Variants in RYR2 observed in about 807,000 individuals in gnomAD.
RYR2 encodes cardiac muscle ryanodine receptor-calcium release channel.
RYR2 carries 227 observed loss-of-function variants against 601.1 expected under a neutral mutation model. That is an observed-to-expected ratio of 0.38 (90% CI 0.34 to 0.42). RYR2 has a LOEUF of 0.42. Among genes scored for constraint, RYR2 ranks in the 10% least tolerant of loss-of-function variants. The pLI, the probability that RYR2 is intolerant of heterozygous loss-of-function variation, is 1.00. For missense variants in RYR2, 4,646 were observed against 6,156.5 expected (o/e 0.75, Z 8.21); for synonymous variants, 2,223 against 2,175.1 (o/e 1.02, Z -0.61).
intron 96 of RYR2, 86 bp from the exon 97 acceptor site, chr1:237,797,950 TA>T: frequency 8.3e-7 from 1 of 1,210,476 alleles, no homozygotes; most frequent in Non-Finnish European, 1.2e-6. Flanking sequence ...ACAGTAAGTA[TA>T]AAAATAATTA....
intron 1 of RYR2, among the ~76,000 whole-genome samples, chr1:237,144,492 G>GATGTTTCTCAGGTCCTGGAGAAAGAC (rs1306929354): frequency 6.6e-6 from 1 of 152,178 alleles, no homozygotes; most frequent in Non-Finnish European, 1.5e-5. Flanking sequence ...ATTCCAAAGA[G>GATGTTTCTCAGGTCCTGGAGAAAGAC]ATGTTTCTCA....
chr1:237,590,397 TGTCAGG>T (rs1675022281), intron 30 of RYR2, among the ~76,000 whole-genome samples: 3 of 152,186 alleles, frequency 2.0e-5, no homozygotes, highest in African/African-American at 7.2e-5. Flanking sequence ...GTGTGGGCAA[TGTCAGG>T]CTGAATCTGA....
In RYR2 at chr1:237,655,965, C is replaced by G; in HGVS notation, c.8110C>G (p.Gln2704Glu). ...GGATTCTGAAGGGAACTTTAACCCA[C>G]AACCTGTTGATACCTCAAAGTATGG... is the stretch of plus-strand genomic sequence containing the variant. ...SMDSEGNFNP[Q>E]PVDTSNITIP... The change falls in exon 53 of 105, where the codon CAA (glutamine) becomes GAA (glutamate). Residue 2704 changes from glutamine to glutamate, a missense_variant. By Grantham distance (29) the Gln-to-Glu change is conservative. Around this residue, in one of 17 missense-constraint regions of RYR2, gnomAD observed 1,497 missense variants for 1,842.6 expected, o/e 0.81. Transcript: ENST00000366574. The G allele has an allele frequency of 6.2e-7, 1 of 1,613,402 alleles. No homozygotes were observed. The highest frequency in any genetic ancestry group is 8.5e-7 in the Non-Finnish European group (1 of 1,179,618).
chr1:237,569,369 C>G (rs745625982), intron 29 of RYR2, 50 bp downstream of exon 29: 13 of 1,565,830 alleles, frequency 8.3e-6, no homozygotes, highest in Admixed American at 1.9e-5. Context: ...CACAAGGAAG[C>G]TTTCATCCTG....
At chr1:237,407,352 T>C (rs531872782) in intron 10 of RYR2, among the ~76,000 whole-genome samples, 2 of 152,342 alleles carry the variant, frequency 1.3e-5, no homozygotes, top group African/African-American at 4.8e-5. Context: ...AGAGTATGTT[T>C]AGCTTTTTAA....
chr1:237,298,546 A>G lies in RYR2; in HGVS notation c.168+27930A>G, dbSNP rs1354231720. Among the ~76,000 whole-genome samples the G allele has an allele frequency of 2.0e-5, 3 of 152,120 alleles. No homozygotes were observed. The East Asian group carries it at 5.8e-4, about 29-fold the overall frequency. ...TTTAATCCTCTTTACTTAGGGTGTC[A>G]AAATCCTTAACCTTGGCTCTATTAG... On this transcript the variant is annotated intron_variant, in intron 2 of 104. Coordinates refer to ENST00000366574, the MANE Select transcript of RYR2 (RefSeq NM_001035.3).
intron 80 of RYR2, among the ~76,000 whole-genome samples, chr1:237,750,224 T>A (rs553409313): frequency 6.6e-6 from 1 of 152,182 alleles, no homozygotes; most frequent in East Asian, 1.9e-4. Context: ...AGTTTAGTAT[T>A]TAAAGAATCA....
intron 29 of RYR2, among the ~76,000 whole-genome samples, chr1:237,572,831 T>C (rs981208561): frequency 1.3e-5 from 2 of 152,152 alleles, no homozygotes; most frequent in Admixed American, 1.3e-4. Flanking sequence ...TGAATGCTTT[T>C]TGGTACTGGA....
chr1:237,099,432 C>A (rs1667839564), intron 1 of RYR2, among the ~76,000 whole-genome samples: 1 of 152,046 alleles, frequency 6.6e-6, no homozygotes. Flanking sequence ...GAGATGAGGT[C>A]TTGCTATGTT....
At chr1:237,649,676 A>G (rs776755702) in intron 49 of RYR2, among the ~76,000 whole-genome samples, 2 of 152,222 alleles carry the variant, frequency 1.3e-5, no homozygotes, top group Non-Finnish European at 2.9e-5. Flanking sequence ...TTATCTATTT[A>G]TGAACAATGG....
At chr1:237,237,893 C>T (rs180896890) in intron 1 of RYR2, among the ~76,000 whole-genome samples, 37 of 118,958 alleles carry the variant, frequency 3.1e-4, no homozygotes, top group African/African-American at 8.2e-4. Flanking sequence ...CTCCTCTCCC[C>T]TCCCCTTTCC....
At chr1:237,470,143 T>C (rs1378785995) in intron 17 of RYR2, among the ~76,000 whole-genome samples, 1 of 152,226 alleles carries the variant, frequency 6.6e-6, no homozygotes, top group Non-Finnish European at 1.5e-5. Context: ...CCTTCATTAG[T>C]AATGAACTTC....
chr1:237,568,655 C>T (rs1572907841), intron 28 of RYR2, among the ~76,000 whole-genome samples: 1 of 152,044 alleles, frequency 6.6e-6, no homozygotes, highest in Non-Finnish European at 1.5e-5. Context: ...TCTGTGCCAT[C>T]GGTTCTAAGG....
At chr1:237,645,071 G>A (rs1054417636) in intron 48 of RYR2, among the ~76,000 whole-genome samples, 1 of 152,068 alleles carries the variant, frequency 6.6e-6, no homozygotes, top group Admixed American at 6.6e-5. Context: ...GGCAGGAAGT[G>A]CATGCTATAT....
At chr1:237,414,979 C>A (rs888050765) in intron 10 of RYR2, among the ~76,000 whole-genome samples, 1 of 97,564 alleles carries the variant, frequency 1.0e-5, no homozygotes, top group Non-Finnish European at 2.2e-5. Context: ...AAAGGGACAT[C>A]TGACAATGTT....
At chr1:237,465,068 A>G (rs995594587) in intron 16 of RYR2, among the ~76,000 whole-genome samples, 22 of 141,232 alleles carry the variant, frequency 1.6e-4, no homozygotes, top group Admixed American at 1.5e-3. Context: ...TACCCATGAC[A>G]TGCGCCTACA....
chr1:237,770,262 C>T (rs1694168010), intron 84 of RYR2, among the ~76,000 whole-genome samples: 1 of 152,046 alleles, frequency 6.6e-6, no homozygotes, highest in Non-Finnish European at 1.5e-5. Context: ...AGTAGTCAAC[C>T]TGATAACAAA....
intron 2 of RYR2, among the ~76,000 whole-genome samples, chr1:237,299,873 A>C (rs1437546465): frequency 6.6e-6 from 1 of 152,202 alleles, no homozygotes; most frequent in East Asian, 1.9e-4. Context: ...CTAGGATGGA[A>C]AGTACAAATC....
chr1:237,830,869 A>C (rs1663692330), intron 103 of RYR2, among the ~76,000 whole-genome samples: 4 of 152,288 alleles, frequency 2.6e-5, no homozygotes, highest in Admixed American at 1.3e-4. Context: ...AGAGGTGGAC[A>C]GGGAGGAGCA....
Sources: gnomAD v4.1 joint callset for allele counts (sites outside exome capture counted in the v4.1 genomes callset) on GRCh38, gnomAD v4.1.1 for gene constraint, gnomAD v4.1.1 regional missense constraint, MANE v1.5 for transcripts, NCBI Gene and HGNC (gene_info 2026-07-23, HGNC 2026-07-21) for gene names.